The following KDM4B variants were observed in gnomAD, a reference collection of about 807,000 sequenced individuals.
KDM4B encodes the protein lysine demethylase 4B, also known as lysine-specific demethylase 4B.
KDM4B carries 32 observed loss-of-function variants against 125.2 expected under a neutral mutation model. That is an observed-to-expected ratio of 0.26 (90% confidence interval 0.19 to 0.34). KDM4B has a LOEUF of 0.34. KDM4B is among the 10% of genes least tolerant of loss of function. KDM4B has a pLI of 1.00. For synonymous variants in KDM4B, 721 were observed against 677.9 expected, an observed-to-expected ratio of 1.06 and a Z score of -0.99; for missense variants, 1,190 against 1,577.7, an observed-to-expected ratio of 0.75 and a Z score of 4.16.
At chr19:5,077,257 C>T (rs1217313194) in intron 7 of KDM4B, 110 bp from the exon 8 acceptor site, 1 of 872,738 alleles carries the variant, frequency 1.1e-6, no homozygotes, top group Non-Finnish European at 1.8e-6. Context: ...TGTGCTCCCA[C>T]ACGCCCGCTC....
chr19:4,975,591 G>T (rs1178319092), intron 1 of KDM4B, among the ~76,000 whole-genome samples: 1 of 133,958 alleles, frequency 7.5e-6, no homozygotes, highest in Non-Finnish European at 1.6e-5. Flanking sequence ...TTGAGTGAAT[G>T]AATTTTTTTT....
At chr19:5,054,846 G>A (rs2037347081) in intron 6 of KDM4B, among the ~76,000 whole-genome samples, 1 of 152,328 alleles carries the variant, frequency 6.6e-6, no homozygotes, top group South Asian at 2.1e-4. Context: ...CCTCATCATC[G>A]AGCCCTCTGC....
intron 11 of KDM4B, among the ~76,000 whole-genome samples, chr19:5,125,781 G>A (rs1188305926): frequency 2.3e-4 from 32 of 142,122 alleles, no homozygotes; most frequent in African/African-American, 8.1e-4. Context: ...CCCACCCCCC[G>A]CCCCCCGCCC....
At position 5,018,232 on chromosome 19, in the gene KDM4B, T is replaced by C. The variant is rs111861494; in HGVS notation, c.-26+1893T>C. ...TTTTTATTTTTTGTAGAGGCTATGT[T>C]GCCCAGGCTGGTCTCAAATTCCTGG... is the stretch of plus-strand genomic sequence containing the variant. On this transcript the variant is annotated intron_variant, in intron 2 of 22. Coordinates refer to ENST00000159111, the MANE Select transcript of KDM4B (RefSeq NM_015015.3). Among the ~76,000 whole-genome samples the C allele has an allele frequency of 9.4e-3, 1,426 of 152,278 alleles. 37 individuals carry two copies. Among genetic ancestry groups the C allele is most frequent in the South Asian group, 0.065 (312 of 4,820 alleles).
chr19:5,008,829 C>G (rs2035642200), intron 1 of KDM4B, among the ~76,000 whole-genome samples: 1 of 150,944 alleles, frequency 6.6e-6, no homozygotes, highest in Non-Finnish European at 1.5e-5. Flanking sequence ...TATCGAACTC[C>G]TGACCTCGTG....
rs755532449 is a variant in KDM4B at position 5,144,152 on chromosome 19, T to A, written c.2736T>A (p.Ala912=). Residue 912 remains alanine (A), a splice_region_variant and synonymous_variant, in exon 19 of 23, where the codon GCT becomes GCA. Transcript: ENST00000159111. The part of the protein sequence containing the change: ...TCLKHKSGGH[A]VQLLRAVSLG... ...TCAAGCACAAGTCGGGGGGTCACGC[T>A]GTGAGTGCCTGCCCGCCTCCTTGCC... 1.9e-6 allele frequency: 3 copies of A among 1,595,186 alleles called. No individual in the cohort carries two copies. In the South Asian group the frequency reaches 3.3e-5, roughly 18 times the overall value.
chr19:5,002,429 C>G (rs1324068302), intron 1 of KDM4B, among the ~76,000 whole-genome samples: 1 of 148,430 alleles, frequency 6.7e-6, no homozygotes, highest in Non-Finnish European at 1.5e-5. Context: ...TCTCCTTTCT[C>G]TCTACTTTCT....
At chr19:5,131,575 GGGGGGCAGGTGGGGT>G in intron 12 of KDM4B, 30 bp downstream of exon 12, 1 of 758,024 alleles carries the variant, frequency 1.3e-6, no homozygotes, top group Non-Finnish European at 1.9e-6. Context: ...GCAGGGAGGA[GGGGGGCAGGTGGGGT>G]GGGGCAGGGG....
At chr19:5,109,621 G>A (rs77246130) in intron 9 of KDM4B, among the ~76,000 whole-genome samples, 141 of 152,246 alleles carry the variant, frequency 9.3e-4, no homozygotes, top group African/African-American at 3.2e-3. Context: ...CAGGCAAGCC[G>A]GCTGCAGCAC....
intron 6 of KDM4B, among the ~76,000 whole-genome samples, chr19:5,069,358 G>A (rs1288440266): frequency 1.3e-5 from 2 of 151,956 alleles, no homozygotes; most frequent in African/African-American, 4.8e-5. Context: ...TGCCCAGGCT[G>A]GAGTGCCGTG....
intron 3 of KDM4B, 127 bp downstream of exon 3, chr19:5,033,158 A>G (rs912205161): frequency 2.2e-5 from 24 of 1,096,874 alleles, no homozygotes; most frequent in Non-Finnish European, 2.8e-5. Context: ...TTTCGGGGCC[A>G]CTCCCAGCTC....
At chr19:5,079,646 C>T (rs770453377) in intron 8 of KDM4B, among the ~76,000 whole-genome samples, 11 of 152,232 alleles carry the variant, frequency 7.2e-5, no homozygotes, top group Non-Finnish European at 1.5e-4. Context: ...GTCACTTGGC[C>T]TTAGAGCAGG....
chr19:5,069,104 A>G (rs911120005), intron 6 of KDM4B, among the ~76,000 whole-genome samples: 8 of 152,134 alleles, frequency 5.3e-5, no homozygotes, highest in Non-Finnish European at 1.2e-4. Flanking sequence ...ATAAAAGCCC[A>G]TTTAAAAAAG....
At chr19:5,024,118 T>A (rs896694777) in intron 2 of KDM4B, among the ~76,000 whole-genome samples, 1 of 152,172 alleles carries the variant, frequency 6.6e-6, no homozygotes, top group African/African-American at 2.4e-5. Flanking sequence ...ATCACCTGGC[T>A]GTTTCTTGGG....
chr19:5,098,085 A>G (rs2145940716), intron 9 of KDM4B, among the ~76,000 whole-genome samples: 1 of 152,354 alleles, frequency 6.6e-6, no homozygotes, highest in South Asian at 2.1e-4. Context: ...AGGCAGAGGC[A>G]GACACAGCCC....
intron 18 of KDM4B, among the ~76,000 whole-genome samples, chr19:5,138,677 A>T (rs184127453): frequency 1.3e-5 from 2 of 152,138 alleles, no homozygotes; most frequent in East Asian, 1.9e-4. Context: ...AACAATTGTA[A>T]CAATGCTTAG....
chr19:5,050,907 A>G (rs1304422256), intron 6 of KDM4B, among the ~76,000 whole-genome samples: 3 of 152,176 alleles, frequency 2.0e-5, no homozygotes, highest in Non-Finnish European at 2.9e-5. Context: ...CTCAAAATAA[A>G]TAAAAAATAA....
intron 2 of KDM4B, among the ~76,000 whole-genome samples, chr19:5,023,758 ATTTTTTTT>A (rs148293792): frequency 1.9e-4 from 17 of 89,118 alleles, no homozygotes; most frequent in African/African-American, 7.0e-4. Flanking sequence ...GTCTTTTTGA[ATTTTTTTT>A]TTTTTTTTTT....
chr19:5,126,545 G>A (rs926870060), intron 11 of KDM4B, among the ~76,000 whole-genome samples: 3 of 152,204 alleles, frequency 2.0e-5, no homozygotes, highest in Admixed American at 6.5e-5. Context: ...GGTGAGTGGG[G>A]CAGCCAGCCC....
Sources: gnomAD v4.1 joint callset for allele counts (sites outside exome capture counted in the v4.1 genomes callset) on GRCh38, gnomAD v4.1.1 for gene constraint, MANE v1.5 for transcripts, NCBI Gene and HGNC (gene_info 2026-07-23, HGNC 2026-07-21) for gene names.